The following GRAP2 variants were observed in gnomAD, a reference collection of about 807,000 sequenced individuals.
The protein encoded by GRAP2 is GRB2-related adapter protein 2.
GRAP2 carries 31 observed loss-of-function variants against 43.5 expected under a neutral mutation model. The ratio of observed to expected loss-of-function variants is 0.71; its 90% CI spans 0.54 to 0.96. The LOEUF is 0.96. Among genes scored for constraint, GRAP2 ranks in the 40% least tolerant of loss-of-function variants. The pLI, the probability that GRAP2 is intolerant of heterozygous loss-of-function variation, is 0.00. For missense variants in GRAP2, 371 were observed against 424.4 expected (o/e 0.87, Z 1.11); for synonymous variants, 156 against 164.8 (o/e 0.95, Z 0.41).
chr22:39,912,476 C>A (rs759814497), intron 1 of GRAP2, among the ~76,000 whole-genome samples: 5 of 152,176 alleles, frequency 3.3e-5, no homozygotes, highest in Non-Finnish European at 1.5e-5. Context: ...GGTTCTCCCC[C>A]ACTCCCACCA....
chr22:39,936,160 C>A (rs917627347), intron 1 of GRAP2, among the ~76,000 whole-genome samples: 1 of 152,152 alleles, frequency 6.6e-6, no homozygotes, highest in African/African-American at 2.4e-5. Flanking sequence ...GTCTGTCTGT[C>A]TGTCTCTCTC....
intron 6 of GRAP2, 168 bp from the exon 7 acceptor site, chr22:39,969,243 G>A: frequency 1.5e-6 from 1 of 660,800 alleles, no homozygotes; most frequent in Non-Finnish European, 2.6e-6. Flanking sequence ...AGAATCTAAG[G>A]TGCCTTTAGA....
At chr22:39,922,157 G>A (rs1466462309) in intron 1 of GRAP2, among the ~76,000 whole-genome samples, 3 of 152,202 alleles carry the variant, frequency 2.0e-5, no homozygotes, top group African/African-American at 4.8e-5. Context: ...ATACTTCTCA[G>A]TTGGGAGAGC....
At chr22:39,933,674 C>A (rs1359364229) in intron 1 of GRAP2, among the ~76,000 whole-genome samples, 1 of 151,972 alleles carries the variant, frequency 6.6e-6, no homozygotes, top group Non-Finnish European at 1.5e-5. Context: ...AACTCCATCT[C>A]TAGTAAAAAT....
In GRAP2 at chr22:39,971,307, C is replaced by T; in HGVS notation, c.*223C>T. 1.9e-6 allele frequency: 1 copy of T among 514,160 alleles called. No homozygotes were observed. Among genetic ancestry groups the T allele is most frequent in the Non-Finnish European group, 3.4e-6 (1 of 297,170 alleles). 31.8% of individuals were successfully genotyped at this position (514,160 alleles called of 1,614,324 possible). On this transcript the variant is annotated 3_prime_UTR_variant, in exon 8 of 8. Coordinates refer to ENST00000344138, the MANE Select transcript of GRAP2 (RefSeq NM_004810.4). ...AATATTGACACTTGCTTTTCTGCCC[C>T]CCTCAGGGGTGTGTGGAAGGCAGTG...
At chr22:39,932,149 A>G (rs940982753) in intron 1 of GRAP2, among the ~76,000 whole-genome samples, 2 of 152,226 alleles carry the variant, frequency 1.3e-5, no homozygotes, top group Non-Finnish European at 2.9e-5. Context: ...ATTCGAGATG[A>G]AAGGGTGAAA....
chr22:39,960,531 TAGG>T (rs1229671259), intron 4 of GRAP2: 12 of 213,170 alleles, frequency 5.6e-5, no homozygotes, highest in Non-Finnish European at 8.6e-5. Context: ...GAAGGAGGGA[TAGG>T]AGGAGGAGAA....
chr22:39,933,079 G>T (rs1403993116), intron 1 of GRAP2, among the ~76,000 whole-genome samples: 1 of 152,226 alleles, frequency 6.6e-6, no homozygotes, highest in African/African-American at 2.4e-5. Flanking sequence ...TGGGGTATGA[G>T]GGGGGCAGGC....
intron 1 of GRAP2, among the ~76,000 whole-genome samples, chr22:39,902,261 A>G (rs538807817): frequency 2.0e-5 from 3 of 152,226 alleles, no homozygotes; most frequent in African/African-American, 4.8e-5. Flanking sequence ...TGTTCTATGC[A>G]GCAATGTTTG....
rs74933835 is a variant in GRAP2 at position 39,933,523 on chromosome 22, A to G, written c.-14-13570A>G. On this transcript the variant is annotated intron_variant, in intron 1 of 7. Coordinates refer to ENST00000344138, the MANE Select transcript of GRAP2 (RefSeq NM_004810.4). ...ACAAACATGACATTAACAAATTCTAAATGGAAAAAATGACCCTCAGAAAGT... is the reference window on the plus strand; with the variant it reads ...ACAAACATGACATTAACAAATTCTAGATGGAAAAAATGACCCTCAGAAAGT... Among the ~76,000 whole-genome samples, 85 of 152,246 alleles carry G rather than the reference A, an allele frequency of 5.6e-4. 1 individual carries two copies. The highest frequency in any genetic ancestry group is 1.8e-3 in the African/African-American group (75 of 41,548).
chr22:39,953,598 C>T lies in GRAP2; in HGVS notation c.79-2221C>T, dbSNP rs181209257. ...TCACATTCTGATCTCTGATACAGAG[C>T]TCTGTCGCTCTCTCGCTCTCTCTTA... On this transcript the variant is annotated intron_variant, in intron 2 of 7. Transcript: ENST00000344138. Among the ~76,000 whole-genome samples the T allele has an allele frequency of 2.1e-3, 316 of 152,276 alleles. 3 individuals are homozygous for T. Among genetic ancestry groups the T allele is most frequent in the Non-Finnish European group, 2.1e-3 (142 of 68,032 alleles).
At position 39,968,007 on chromosome 22, in the gene GRAP2, G is replaced by A. The variant is rs995038815; in HGVS notation, c.460-35G>A. ...GGTAGGGCCAGACGATCAGAGAGGA[G>A]GATGCATCTGCAGCATCTCTGTTCT... On this transcript the variant is annotated intron_variant, in intron 5 of 7. Coordinates refer to ENST00000344138, the MANE Select transcript of GRAP2 (RefSeq NM_004810.4). 7 of 1,596,802 alleles carry A rather than the reference G, an allele frequency of 4.4e-6. No individual in the cohort carries two copies. In the Admixed American group the frequency reaches 6.7e-5, roughly 15 times the overall value.
chr22:39,963,257 C>T (rs1473230793), intron 4 of GRAP2, among the ~76,000 whole-genome samples: 4 of 152,290 alleles, frequency 2.6e-5, no homozygotes, highest in African/African-American at 7.2e-5. Context: ...TGGAGTCCAG[C>T]GCCCTGAGTC....
rs200972329 is a variant in GRAP2, at chr22:39,901,299, A to G, written c.-46A>G. The G allele has an allele frequency of 6.0e-4, 770 of 1,275,480 alleles. 3 individuals are homozygous for G. In the African/African-American group the frequency reaches 0.011, roughly 18 times the overall value. The allele number at this position is 1,275,480 out of a possible 1,614,324, so 79.0% of individuals were successfully genotyped here. On this transcript the variant is annotated 5_prime_UTR_variant, in exon 1 of 8. Coordinates refer to ENST00000344138, the MANE Select transcript of GRAP2 (RefSeq NM_004810.4). ...TTCTAATAACTCGGTGTCAAAGCCA[A>G]GACATAAACTCAACCCCTTCTCTTC...
At chr22:39,942,957 C>T (rs1046083455) in intron 1 of GRAP2, among the ~76,000 whole-genome samples, 6 of 152,200 alleles carry the variant, frequency 3.9e-5, no homozygotes, top group African/African-American at 1.4e-4. Flanking sequence ...AGAGCTCTCC[C>T]CAGCAAAATA....
chr22:39,925,153 T>C (rs1407972771), intron 1 of GRAP2, among the ~76,000 whole-genome samples: 1 of 152,106 alleles, frequency 6.6e-6, no homozygotes, highest in Admixed American at 6.5e-5. Context: ...TATTAAGAGA[T>C]TTTGAGTAGA....
intron 1 of GRAP2, among the ~76,000 whole-genome samples, chr22:39,939,539 G>A (rs1012664147): frequency 1.4e-5 from 2 of 143,940 alleles, no homozygotes; most frequent in South Asian, 2.2e-4. Flanking sequence ...TCCAGCCTGG[G>A]GGACAGAGTG....
intron 2 of GRAP2, among the ~76,000 whole-genome samples, chr22:39,951,240 T>C (rs1267215369): frequency 4.6e-5 from 7 of 152,220 alleles, no homozygotes; most frequent in Non-Finnish European, 2.9e-5. Flanking sequence ...ATTTTTTTCC[T>C]ATTCATGCCA....
At position 39,969,527 on chromosome 22, in the gene GRAP2, G is replaced by C. The variant is rs778446781; in HGVS notation, c.807G>C (p.Ala269=). 6.2e-7 allele frequency: 1 copy of C among 1,613,870 alleles called. No homozygotes were observed. The highest frequency in any genetic ancestry group is 1.7e-5 in the Admixed American group (1 of 60,020). The change falls in exon 7 of 8, where the codon GCG becomes GCC. Residue 269 remains alanine, a synonymous_variant. Transcript: ENST00000344138. ...ACACAGACCCAGTGCAGCTCCAGGC[G>C]GCAGGGGTATGGGAACTGTCCTTCT... ...RRHTDPVQLQ[A]AGRVRWARAL... is the part of the protein sequence containing the mutation.
Sources: allele counts gnomAD v4.1 joint callset (sites outside exome capture counted in the v4.1 genomes callset), GRCh38; gene constraint gnomAD v4.1.1; transcripts MANE v1.5; gene names NCBI Gene and HGNC (gene_info 2026-07-23, HGNC 2026-07-21).